Variants in KCNK2 observed in about 807,000 individuals in gnomAD.
KCNK2 encodes potassium two pore domain channel subfamily K member 2.
KCNK2 carries 21 observed loss-of-function variants against 40.5 expected under a neutral mutation model. The observed-to-expected ratio is 0.52, with a 90% CI of 0.37 to 0.75. The LOEUF (loss-of-function observed/expected upper bound fraction) is 0.75. Among genes scored for constraint, KCNK2 ranks in the 30% least tolerant of loss-of-function variants. KCNK2 has a pLI of 0.00. For synonymous variants in KCNK2, 191 were observed against 202.2 expected (o/e 0.94, Z 0.47); for missense variants, 399 against 531.6 (o/e 0.75, Z 2.45).
chr1:215,055,906 T>A (rs893802929), intron 1 of KCNK2, among the ~76,000 whole-genome samples: 2 of 152,218 alleles, frequency 1.3e-5, no homozygotes, highest in African/African-American at 4.8e-5. Flanking sequence ...AGATTTCTCT[T>A]TTATGTACAA....
intron 1 of KCNK2, among the ~76,000 whole-genome samples, chr1:215,017,600 G>A (rs1214357209): frequency 6.6e-6 from 1 of 152,090 alleles, no homozygotes; most frequent in Admixed American, 6.6e-5. Context: ...GGGAAGATTA[G>A]AGAGATGTTG....
At chr1:215,067,281 A>G (rs1658587608) in intron 1 of KCNK2, among the ~76,000 whole-genome samples, 1 of 152,140 alleles carries the variant, frequency 6.6e-6, no homozygotes, top group Non-Finnish European at 1.5e-5. Flanking sequence ...AGTATGTACA[A>G]TTATTATTTA....
intron 2 of KCNK2, among the ~76,000 whole-genome samples, chr1:215,116,053 A>G (rs1319945767): frequency 6.6e-6 from 1 of 151,458 alleles, no homozygotes; most frequent in Non-Finnish European, 1.5e-5. Context: ...TGCCTGATAT[A>G]TAAATCTTCC....
chr1:215,052,488 C>T (rs1050883073), intron 1 of KCNK2, among the ~76,000 whole-genome samples: 1 of 152,106 alleles, frequency 6.6e-6, no homozygotes, highest in Non-Finnish European at 1.5e-5. Context: ...TTTCAGCTTT[C>T]AAGACTTGCT....
At chr1:215,039,446 T>C (rs1657492542) in intron 1 of KCNK2, among the ~76,000 whole-genome samples, 1 of 152,152 alleles carries the variant, frequency 6.6e-6, no homozygotes. Flanking sequence ...CATCTATAGT[T>C]ATGTTTCCAT....
intron 6 of KCNK2, among the ~76,000 whole-genome samples, chr1:215,232,973 C>T (rs781315125): frequency 5.9e-5 from 9 of 152,182 alleles, no homozygotes; most frequent in African/African-American, 9.7e-5. Flanking sequence ...GAGCCAAATC[C>T]GAATGACTGG....
chr1:215,096,067 C>T (rs10864152), intron 2 of KCNK2, among the ~76,000 whole-genome samples: 93,498 of 151,864 alleles, frequency 0.62, 32,232 homozygotes, highest in Non-Finnish European at 0.77. Context: ...GACTTTTATC[C>T]TTTCTTGCTT....
chr1:215,187,813 G>C (rs1664506601), intron 5 of KCNK2, among the ~76,000 whole-genome samples: 1 of 145,284 alleles, frequency 6.9e-6, no homozygotes, highest in African/African-American at 2.6e-5. Context: ...CAGCTCTCTA[G>C]CCTGGGTGAC....
At chr1:215,148,245 A>G (rs1384870124) in intron 3 of KCNK2, among the ~76,000 whole-genome samples, 1 of 150,348 alleles carries the variant, frequency 6.7e-6, no homozygotes, top group African/African-American at 2.4e-5. Flanking sequence ...ACACCTGGCT[A>G]ATTTTTTTTT....
At chr1:215,130,291 G>A (rs1264322645) in intron 3 of KCNK2, among the ~76,000 whole-genome samples, 1 of 152,142 alleles carries the variant, frequency 6.6e-6, no homozygotes, top group East Asian at 1.9e-4. Context: ...TGGTGGGAGG[G>A]TAGTATGGTG....
At chr1:215,147,632 G>A (rs1662485648) in intron 3 of KCNK2, among the ~76,000 whole-genome samples, 1 of 152,022 alleles carries the variant, frequency 6.6e-6, no homozygotes, top group Non-Finnish European at 1.5e-5. Flanking sequence ...AGAAATTCGG[G>A]ACCAGCCTGG....
intron 1 of KCNK2, among the ~76,000 whole-genome samples, chr1:215,085,486 C>A (rs1266641839): frequency 6.6e-6 from 1 of 152,172 alleles, no homozygotes; most frequent in African/African-American, 2.4e-5. Context: ...TCACCTCCGA[C>A]TATATGGCAA....
At chr1:215,114,994 GGTGT>G (rs59948899) in intron 2 of KCNK2, among the ~76,000 whole-genome samples, 91,327 of 147,152 alleles carry the variant, frequency 0.62, 30,948 homozygotes, top group East Asian at 0.93. Flanking sequence ...TACTTTGTCA[GGTGT>G]GTGTGTGTGT....
intron 2 of KCNK2, among the ~76,000 whole-genome samples, chr1:215,116,667 A>G (rs1048411809): frequency 3.3e-5 from 5 of 152,132 alleles, no homozygotes; most frequent in Non-Finnish European, 7.4e-5. Context: ...CAAGATATTT[A>G]CTTTTAGACG....
At chr1:215,229,987 A>G (rs1218284990) in intron 6 of KCNK2, among the ~76,000 whole-genome samples, 1 of 150,060 alleles carries the variant, frequency 6.7e-6, no homozygotes, top group Non-Finnish European at 1.5e-5. Context: ...TTATATTTTG[A>G]GAACACACAC....
chr1:215,007,171 A>G (rs1440591774), intron 1 of KCNK2, among the ~76,000 whole-genome samples: 1,247 of 97,588 alleles, frequency 0.013, 119 homozygotes, highest in African/African-American at 0.055. Flanking sequence ...GTATATATAT[A>G]TGTATGTGTG....
intron 3 of KCNK2, among the ~76,000 whole-genome samples, chr1:215,124,995 T>TTAG (rs112619037): frequency 2.0e-5 from 3 of 152,326 alleles, no homozygotes; most frequent in African/African-American, 7.2e-5. Context: ...GCAGCAGTCA[T>TTAG]TTGACTAATG....
At position 215,046,711 on chromosome 1, in the gene KCNK2, C is replaced by T. The variant is rs140109326; in HGVS notation, c.35-39657C>T. On this transcript the variant is annotated intron_variant, in intron 1 of 6. Coordinates refer to the KCNK2 transcript ENST00000391895. ...GTAAAATTTAGAAAAACAGAAATAA[C>T]ATGACTTAAAGACTGAGGTAATGGT... Among the ~76,000 whole-genome samples the T allele has an allele frequency of 3.0e-3, 460 of 152,074 alleles. 2 individuals are homozygous for T. Among genetic ancestry groups the T allele is most frequent in the African/African-American group, 0.011 (450 of 41,546 alleles).
At chr1:215,061,521 A>G (rs1278890009) in intron 1 of KCNK2, among the ~76,000 whole-genome samples, 3 of 152,264 alleles carry the variant, frequency 2.0e-5, no homozygotes, top group South Asian at 4.1e-4. Context: ...AAATCTCCAG[A>G]CAAAGAACAA....
Sources: gnomAD v4.1 joint callset for allele counts (sites outside exome capture counted in the v4.1 genomes callset) on GRCh38, gnomAD v4.1.1 for gene constraint, MANE v1.5 for transcripts, NCBI Gene and HGNC (gene_info 2026-07-23, HGNC 2026-07-21) for gene names.